The following TMEM65 variants were observed in gnomAD, a reference collection of about 807,000 sequenced individuals.
The protein encoded by TMEM65 is transmembrane protein 65.
TMEM65 carries 22 observed loss-of-function variants against 25.4 expected under a neutral mutation model. The ratio of observed to expected loss-of-function variants is 0.86; its 90% CI spans 0.62 to 1.23. TMEM65 has a LOEUF of 1.23. TMEM65 is among the 50% of genes most tolerant of loss of function. The probability of loss-of-function intolerance (pLI) is 0.00; values close to 1 mark genes in which losing one functional copy is unlikely to be tolerated. For missense variants in TMEM65, 262 were observed against 308.2 expected, an observed-to-expected ratio of 0.85 and a Z score of 1.12; for synonymous variants, 132 against 126.2, an observed-to-expected ratio of 1.05 and a Z score of -0.31.
chr8:124,323,370 G>T lies in TMEM65; in HGVS notation c.423C>A (p.Thr141=). The change falls in exon 4 of 7, where the codon ACC becomes ACA. Residue 141 remains threonine (T), a synonymous_variant. Coordinates refer to ENST00000297632, the MANE Select transcript of TMEM65 (RefSeq NM_194291.3). The stretch of plus-strand genomic sequence containing the variant: ...TAATTCCAATAGACATTTCAATATG[G>T]GTTCCCTGAAATATGATAAAAAATT... ...LDNAIMIVAG[T]HIEMSIGIIL... The T allele has an allele frequency of 1.3e-6, 2 of 1,501,960 alleles. No homozygotes were observed. Among genetic ancestry groups the T allele is most frequent in the African/African-American group, 1.4e-5 (1 of 71,140 alleles). 93.0% of individuals were successfully genotyped at this position (1,501,960 alleles called of 1,614,324 possible). A position where few individuals can be genotyped will look rare whatever the true frequency, so the allele number is the denominator to read the frequency against.
chr8:124,342,587 A>G (rs558817874), intron 1 of TMEM65, among the ~76,000 whole-genome samples: 1 of 152,162 alleles, frequency 6.6e-6, no homozygotes, highest in South Asian at 2.1e-4. Context: ...TAAAATTGTT[A>G]TTTAAAAGGA....
At chr8:124,348,046 GTTACAGGCAGTAGCCGGGA>G (rs1230647412) in intron 1 of TMEM65, among the ~76,000 whole-genome samples, 7 of 131,324 alleles carry the variant, frequency 5.3e-5, no homozygotes, top group South Asian at 2.3e-4. Context: ...AGTAGCCAGG[GTTACAGGCAGTAGCCGGGA>G]TTACAGGCAG....
intron 1 of TMEM65, among the ~76,000 whole-genome samples, chr8:124,352,963 C>T (rs931835125): frequency 4.6e-5 from 7 of 151,850 alleles, no homozygotes; most frequent in Non-Finnish European, 8.8e-5. Context: ...ACCGTCTATA[C>T]AAAAAATACA....
intron 1 of TMEM65, among the ~76,000 whole-genome samples, chr8:124,333,845 C>G (rs990664120): frequency 6.6e-6 from 1 of 152,136 alleles, no homozygotes; most frequent in Admixed American, 6.6e-5. Context: ...AACTAAAGCT[C>G]TGATGAAAAT....
chr8:124,339,851 G>GTT (rs1814564649), intron 1 of TMEM65, among the ~76,000 whole-genome samples: 1 of 146,928 alleles, frequency 6.8e-6, no homozygotes, highest in African/African-American at 2.7e-5. Context: ...CAGAACCTGT[G>GTT]TATTTTTGGA....
chr8:124,366,879 G>A (rs1011984965), intron 1 of TMEM65, among the ~76,000 whole-genome samples: 1 of 152,086 alleles, frequency 6.6e-6, no homozygotes, highest in African/African-American at 2.4e-5. Flanking sequence ...TAAAATAACT[G>A]ATTGTAGCAA....
At chr8:124,325,326 T>C (rs958663456) in intron 3 of TMEM65, among the ~76,000 whole-genome samples, 1 of 152,026 alleles carries the variant, frequency 6.6e-6, no homozygotes, top group Non-Finnish European at 1.5e-5. Context: ...AAGATAATAA[T>C]CACTTATTTC....
At chr8:124,352,532 TAAAATA>T (rs1033839956) in intron 1 of TMEM65, among the ~76,000 whole-genome samples, 5 of 134,452 alleles carry the variant, frequency 3.7e-5, no homozygotes, top group African/African-American at 1.3e-4. Flanking sequence ...TAAAATAAAA[TAAAATA>T]AAAATACAGG....
chr8:124,333,799 A>G (rs1302705840), intron 1 of TMEM65, among the ~76,000 whole-genome samples: 1 of 152,220 alleles, frequency 6.6e-6, no homozygotes, highest in Non-Finnish European at 1.5e-5. Context: ...TGCAGCTTTC[A>G]GCCTGTGGGC....
chr8:124,317,623 C>T (rs899188937), intron 6 of TMEM65, among the ~76,000 whole-genome samples: 3 of 152,198 alleles, frequency 2.0e-5, no homozygotes, highest in Admixed American at 6.5e-5. Flanking sequence ...CATTTTAAGG[C>T]GGCCTCCATG....
intron 1 of TMEM65, among the ~76,000 whole-genome samples, chr8:124,338,326 G>A (rs1477392747): frequency 6.8e-6 from 1 of 146,648 alleles, no homozygotes; most frequent in Non-Finnish European, 1.5e-5. Context: ...ATTTTGCACT[G>A]CTCTGAAAAT....
chr8:124,349,133 C>T (rs950933216), intron 1 of TMEM65, among the ~76,000 whole-genome samples: 2 of 152,272 alleles, frequency 1.3e-5, no homozygotes, highest in East Asian at 1.9e-4. Flanking sequence ...TCCCATTCTA[C>T]TTCTCATTCA....
At chr8:124,317,255 G>A (rs6990592) in intron 6 of TMEM65, among the ~76,000 whole-genome samples, 12,584 of 151,652 alleles carry the variant, frequency 0.083, 589 homozygotes, top group East Asian at 0.15. Flanking sequence ...TTCACCTCCC[G>A]TTAGTGTTTC....
chr8:124,333,330 T>C (rs1814459068), intron 1 of TMEM65, among the ~76,000 whole-genome samples: 1 of 152,110 alleles, frequency 6.6e-6, no homozygotes, highest in South Asian at 2.1e-4. Context: ...CATATATATA[T>C]ATTTTATGAA....
At chr8:124,353,208 G>A (rs1313256633) in intron 1 of TMEM65, among the ~76,000 whole-genome samples, 1 of 152,150 alleles carries the variant, frequency 6.6e-6, no homozygotes, top group Non-Finnish European at 1.5e-5. Context: ...CAGGGTGTCA[G>A]TGCCCAAGTT....
At chr8:124,345,167 A>C (rs1413255504) in intron 1 of TMEM65, among the ~76,000 whole-genome samples, 1 of 152,218 alleles carries the variant, frequency 6.6e-6, no homozygotes, top group Non-Finnish European at 1.5e-5. Context: ...ATAGGAGCTG[A>C]CCTTTCAGCC....
intron 3 of TMEM65, among the ~76,000 whole-genome samples, chr8:124,325,589 G>A (rs192403567): frequency 2.6e-5 from 4 of 152,002 alleles, no homozygotes; most frequent in African/African-American, 9.6e-5. Flanking sequence ...TAAACAAAAT[G>A]GCCCATAAGC....
At chr8:124,328,843 A>G (rs1814398147) in intron 2 of TMEM65, among the ~76,000 whole-genome samples, 1 of 152,094 alleles carries the variant, frequency 6.6e-6, no homozygotes. Flanking sequence ...TAATTGAAAT[A>G]TAATCCAGAA....
At chr8:124,330,661 G>C (rs1814420580) in intron 2 of TMEM65, 87 bp downstream of exon 2, 3 of 1,270,532 alleles carry the variant, frequency 2.4e-6, no homozygotes, top group African/African-American at 3.1e-5. Flanking sequence ...TTAATTTACT[G>C]ACTCTTCTGT....
Sources: allele counts gnomAD v4.1 joint callset (sites outside exome capture counted in the v4.1 genomes callset), GRCh38; gene constraint gnomAD v4.1.1; transcripts MANE v1.5; gene names NCBI Gene and HGNC (gene_info 2026-07-23, HGNC 2026-07-21).